Variants in NKX2-5 observed in about 807,000 individuals in gnomAD.
NKX2-5 encodes homeobox protein Nkx-2.5.
Under a neutral mutation model 24.5 loss-of-function variants are expected in NKX2-5, and 3 were observed. The ratio of observed to expected loss-of-function variants is 0.12; its 90% CI spans 0.06 to 0.32. The LOEUF (loss-of-function observed/expected upper bound fraction) is 0.32. Ranked by LOEUF, NKX2-5 falls within the 10% of genes least tolerant of loss-of-function variation. The pLI is 1.00. For synonymous variants in NKX2-5, 215 were observed against 217.6 expected (o/e 0.99, Z 0.11); for missense variants, 429 against 452.4 (o/e 0.95, Z 0.47).
chr5:173,233,513 A>G (rs547572698), intron 1 of NKX2-5: 2 of 868,310 alleles, frequency 2.3e-6, no homozygotes, highest in East Asian at 2.7e-5. Flanking sequence ...TGCAAAAAAA[A>G]AAAAAATAAA....
Position 173,232,495 on chromosome 5 carries a change from G to T in NKX2-5, c.*74C>A, listed in dbSNP as rs1761336630. On this transcript the variant is annotated 3_prime_UTR_variant, in exon 2 of 2. Transcript: ENST00000329198. The surrounding 1 kb of genome is among the most constrained non-coding windows in gnomAD (Gnocchi z 5.9). ...CAGGGGACTCAGGGTCATGTTGGGA[G>T]CCCCTTCTCCCCCCGAGAGTCAGGG... is the stretch of plus-strand genomic sequence containing the variant. 6.3e-7 allele frequency: 1 copy of T among 1,579,304 alleles called. No individual in the cohort carries two copies. The highest frequency in any genetic ancestry group is 8.5e-7 in the Non-Finnish European group (1 of 1,170,276).
Position 173,234,936 on chromosome 5 carries a change from C to T in NKX2-5, c.148G>A (p.Ala50Thr). Residue 50 changes from alanine (A) to threonine (T), a missense_variant, in exon 1 of 2, where the codon GCC becomes ACC. Transcript: ENST00000329198. ...TLAPSSCMLA[A>T]FKPEAYAGPE... is the part of the protein sequence containing the mutation. ...CCAGCGTAGGCCTCTGGCTTGAAGG[C>T]GGCCAGCATGCAGGAGGAGGGCGCC... 6.2e-7 allele frequency: 1 copy of T among 1,611,204 alleles called. No individual in the cohort carries two copies. The highest frequency in any genetic ancestry group is 1.7e-4 in the Middle Eastern group (1 of 5,988).
chr5:173,234,119 C>T, intron 1 of NKX2-5: 1 of 1,289,436 alleles, frequency 7.8e-7, no homozygotes, highest in Non-Finnish European at 1.0e-6. Context: ...CCTCTCCGCC[C>T]TGGCCGCGCC....
rs746833511 is a variant in NKX2-5, at chr5:173,232,902, AGGCGGC to A, written c.636_641del (p.Pro213_Pro214del). 34 of 1,606,386 alleles carry A rather than the reference AGGCGGC, an allele frequency of 2.1e-5. 1 individual carries two copies. Among genetic ancestry groups the A allele is most frequent in the South Asian group, 5.5e-5 (5 of 90,442 alleles). ...GCACTGGCACCGCGATCCTGCGGGC[AGGCGGC>A]GGCGGCGGCGGGGGCAGCCCCACCA... On this transcript the variant is annotated inframe_deletion, in exon 2 of 2. Transcript: ENST00000329198. The surrounding 1 kb of genome is among the most constrained non-coding windows in gnomAD (Gnocchi z 5.9).
intron 1 of NKX2-5, chr5:173,233,513 A>C: frequency 1.2e-6 from 1 of 868,390 alleles, no homozygotes; most frequent in Non-Finnish European, 1.8e-6. Flanking sequence ...TGCAAAAAAA[A>C]AAAAAATAAA....
Position 173,232,626 on chromosome 5 carries a change from G to C in NKX2-5, c.918C>G (p.Pro306=). The change falls in exon 2 of 2, where the codon CCC becomes CCG. Residue 306 remains proline, a synonymous_variant. Coordinates refer to ENST00000329198, the MANE Select transcript of NKX2-5 (RefSeq NM_004387.4). This position sits in a 1 kb window ranked among gnomAD's most constrained non-coding sequence, Gnocchi z 5.9. ...GVGDLNAVQS[P]GIPQSNSGVS... ...CTCCCGAGTTGCTCTGCGGAATCCC[G>C]GGGCTCTGAACCGCATTCAAGTCCC... is the stretch of plus-strand genomic sequence containing the variant. The C allele has an allele frequency of 6.2e-7, 1 of 1,613,542 alleles. No homozygotes were observed. Among genetic ancestry groups the C allele is most frequent in the Non-Finnish European group, 8.5e-7 (1 of 1,179,990 alleles).
At chr5:173,234,060 C>T (rs1256763076) in intron 1 of NKX2-5, 2 of 1,289,346 alleles carry the variant, frequency 1.6e-6, no homozygotes, top group Non-Finnish European at 2.0e-6. Flanking sequence ...CTCGTCCACT[C>T]CCTTGTGCCC....
rs1761432642 is a variant in NKX2-5, at chr5:173,234,817, G to A, written c.267C>T (p.Ala89=). ...TGTAGGCACGTGGATAGAAGGCGGG[G>A]GCGGCGGGAAAGGCAGACGCACACT... ...PAKCASAFPA[A]PAFYPRAYSD... Residue 89 remains alanine, a synonymous_variant, in exon 1 of 2, where the codon GCC becomes GCT. Transcript: ENST00000329198. 6.3e-7 allele frequency: 1 copy of A among 1,585,536 alleles called. No individual in the cohort carries two copies. The highest frequency in any genetic ancestry group is 1.4e-5 in the African/African-American group (1 of 72,860).
At chr5:173,233,520 T>TAAAAAAAA (rs766931455) in intron 1 of NKX2-5, 88 of 494,346 alleles carry the variant, frequency 1.8e-4, no homozygotes, top group Admixed American at 6.1e-4. Flanking sequence ...AAAAAAAAAA[T>TAAAAAAAA]AAATAAAAAA....
rs1561621781 is a variant in NKX2-5 at position 173,235,067 on chromosome 5, G to C, written c.17C>G (p.Ala6Gly). 6.2e-7 allele frequency: 1 copy of C among 1,610,342 alleles called. No individual in the cohort carries two copies. The highest frequency in any genetic ancestry group is 1.7e-5 in the Admixed American group (1 of 59,890). Residue 6 changes from alanine (A) to glycine (G), a missense_variant, in exon 1 of 2, where the codon GCT becomes GGT. Ala to Gly is a moderately conservative substitution (Grantham distance 60). Around this residue, in one of 3 missense-constraint regions of NKX2-5, gnomAD observed 240 missense variants for 240.4 expected, o/e 1.00. Transcript: ENST00000329198. MFPSP[A>G]LTPTPFSVKD... ...GACTGAGAAGGGCGTGGGCGTGAGAGCAGGGCTGGGGAACATGGTGGCAGC... is the reference window on the plus strand; with the variant it reads ...GACTGAGAAGGGCGTGGGCGTGAGACCAGGGCTGGGGAACATGGTGGCAGC...
chr5:173,232,514 G>T lies in NKX2-5; in HGVS notation c.*55C>A, dbSNP rs973300205. Reference sequence around the variant, plus strand: ...TTGGGAGCCCCTTCTCCCCCCGAGAGTCAGGGAGCTGTTGAGGTGGGATCG... The same window carrying T: ...TTGGGAGCCCCTTCTCCCCCCGAGATTCAGGGAGCTGTTGAGGTGGGATCG... On this transcript the variant is annotated 3_prime_UTR_variant, in exon 2 of 2. Coordinates refer to ENST00000329198, the MANE Select transcript of NKX2-5 (RefSeq NM_004387.4). This position sits in a 1 kb window ranked among gnomAD's most constrained non-coding sequence, Gnocchi z 5.9. The T allele has an allele frequency of 5.9e-5, 94 of 1,595,166 alleles. No individual in the cohort carries two copies. Among genetic ancestry groups the T allele is most frequent in the Non-Finnish European group, 7.7e-5 (91 of 1,177,856 alleles).
At position 173,235,190 on chromosome 5, in the gene NKX2-5, C is replaced by T. The variant is rs895157483; in HGVS notation, c.-107G>A. 9 of 1,161,650 alleles carry T rather than the reference C, an allele frequency of 7.7e-6. No individual in the cohort carries two copies. The highest frequency in any genetic ancestry group is 1.1e-5 in the Non-Finnish European group (9 of 831,924). The allele number at this position is 1,161,650 out of a possible 1,614,324, so 72.0% of individuals were successfully genotyped here. A position where few individuals can be genotyped will look rare whatever the true frequency, so the allele number is the denominator to read the frequency against. On this transcript the variant is annotated 5_prime_UTR_variant, in exon 1 of 2. Transcript: ENST00000329198. ...TGCCGCCGCCCGCCCGCGCACCCGT[C>T]GGCCAGCTCTGGATGTGTCCGGGCA...
intron 1 of NKX2-5, chr5:173,233,482 C>G: frequency 9.5e-7 from 1 of 1,048,760 alleles, no homozygotes; most frequent in Non-Finnish European, 1.4e-6. Context: ...GGGAGACAGA[C>G]GGTGACTTAA....
intron 1 of NKX2-5, chr5:173,234,432 C>T (rs369462611): frequency 1.5e-6 from 1 of 683,772 alleles, no homozygotes; most frequent in South Asian, 6.5e-5. Flanking sequence ...TCTCTCTGTT[C>T]TGTCTACCAT....
In NKX2-5 at chr5:173,233,080, C is replaced by T. The variant is rs1018993104; in HGVS notation, c.464G>A (p.Arg155Gln). The T allele has an allele frequency of 3.1e-6, 5 of 1,601,340 alleles. No individual in the cohort carries two copies. In the Admixed American group the frequency reaches 5.2e-5, roughly 17 times the overall value. ...FSQAQVYELERRFKQQRYLSA... is the reference protein window; with the variant it reads ...FSQAQVYELEQRFKQQRYLSA... ...CAGGTACCGCTGCTGCTTGAAGCGCCGCTCCAGCTCATAGACCTGCGCCTG... is the reference window on the plus strand; with the variant it reads ...CAGGTACCGCTGCTGCTTGAAGCGCTGCTCCAGCTCATAGACCTGCGCCTG... The change falls in exon 2 of 2, where the codon CGG becomes CAG. Residue 155 changes from arginine (R) to glutamine (Q), a missense_variant. Arg to Gln is a conservative substitution (Grantham distance 43). Transcript: ENST00000329198.
chr5:173,234,246 G>A, intron 1 of NKX2-5: 6 of 1,210,490 alleles, frequency 5.0e-6, no homozygotes, highest in Non-Finnish European at 6.3e-6. Context: ...AGAAAGAAAG[G>A]CACCAGAAAC....
At chr5:173,234,249 C>T (rs1380121106) in intron 1 of NKX2-5, 3 of 1,210,118 alleles carry the variant, frequency 2.5e-6, no homozygotes, top group Non-Finnish European at 2.1e-6. Flanking sequence ...AAGAAAGGCA[C>T]CAGAAACCCG....
At chr5:173,233,626 C>T (rs775614007) in intron 1 of NKX2-5, 91 of 663,744 alleles carry the variant, frequency 1.4e-4, no homozygotes, top group Non-Finnish European at 2.0e-4. Flanking sequence ...GCCGAGGCCT[C>T]ACTGCTAGGG....
intron 1 of NKX2-5, chr5:173,234,042 G>A (rs750525296): frequency 7.8e-7 from 1 of 1,288,942 alleles, no homozygotes; most frequent in South Asian, 1.2e-5. Context: ...GGATGATCCC[G>A]CACTCATCTC....
Sources: allele counts gnomAD v4.1 joint callset, GRCh38; gene constraint gnomAD v4.1.1; regional missense constraint gnomAD v4.1.1; non-coding constraint Gnocchi (gnomAD v3.1); transcripts MANE v1.5; gene names NCBI Gene and HGNC (gene_info 2026-07-23, HGNC 2026-07-21).